The following ERBB4 variants were observed in gnomAD, a reference collection of about 807,000 sequenced individuals.
ERBB4 encodes erb-b2 receptor tyrosine kinase 4, also known as receptor tyrosine-protein kinase erbB-4.
A neutral mutation model predicts 158.0 loss-of-function variants in ERBB4; 42 were observed. The observed-to-expected ratio is 0.27, with a 90% confidence interval of 0.21 to 0.34. The LOEUF (loss-of-function observed/expected upper bound fraction) is 0.34. Ranked by LOEUF, ERBB4 falls within the 10% of genes least tolerant of loss-of-function variation. The pLI, the probability that ERBB4 is intolerant of heterozygous loss-of-function variation, is 1.00. For missense variants in ERBB4, 1,333 were observed against 1,624.1 expected (o/e 0.82, Z 3.08); for synonymous variants, 583 against 558.7 (o/e 1.04, Z -0.61).
chr2:211,462,296 C>T (rs7566089), intron 20 of ERBB4, among the ~76,000 whole-genome samples: 3,668 of 152,108 alleles, frequency 0.024, 156 homozygotes, highest in African/African-American at 0.084. Context: ...CCCCCATGAT[C>T]CAATCACTTC....
At chr2:211,650,371 C>T (rs1257082491) in intron 16 of ERBB4, among the ~76,000 whole-genome samples, 1 of 151,912 alleles carries the variant, frequency 6.6e-6, no homozygotes, top group Non-Finnish European at 1.5e-5. Flanking sequence ...GAGTAATTTT[C>T]AATTTTAAAA....
intron 2 of ERBB4, among the ~76,000 whole-genome samples, chr2:212,036,748 G>A (rs778887565): frequency 1.3e-5 from 2 of 152,128 alleles, no homozygotes; most frequent in Non-Finnish European, 2.9e-5. Flanking sequence ...ACAGGCGTGA[G>A]CCACCGCATG....
intron 3 of ERBB4, among the ~76,000 whole-genome samples, chr2:211,877,786 T>C (rs1198182775): frequency 9.9e-5 from 15 of 152,194 alleles, no homozygotes; most frequent in Admixed American, 9.8e-4. Context: ...ACATTGTATG[T>C]CTTCAAATTT....
chr2:211,914,110 C>T (rs1270276117), intron 3 of ERBB4, among the ~76,000 whole-genome samples: 1 of 140,716 alleles, frequency 7.1e-6, no homozygotes, highest in Non-Finnish European at 1.5e-5. Context: ...AATAAGTAAA[C>T]AAGTATTCAA....
chr2:212,394,078 G>A (rs2090956041), intron 1 of ERBB4, among the ~76,000 whole-genome samples: 1 of 152,084 alleles, frequency 6.6e-6, no homozygotes, highest in African/African-American at 2.4e-5. Flanking sequence ...TTAAACTAGT[G>A]AATGATTAAA....
intron 7 of ERBB4, among the ~76,000 whole-genome samples, chr2:211,719,868 G>GAAAAAA (rs56887696): frequency 2.6e-5 from 2 of 76,748 alleles, no homozygotes. Flanking sequence ...ACAAAGAAAA[G>GAAAAAA]AAAAAAAAAA....
chr2:211,561,837 A>G (rs1450270401), intron 20 of ERBB4, 66 bp downstream of exon 20: 1 of 1,355,778 alleles, frequency 7.4e-7, no homozygotes, highest in South Asian at 1.2e-5. Flanking sequence ...TCAATATGAA[A>G]ACTGTTCCAG....
At chr2:211,857,162 T>TGC (rs1184431833) in intron 3 of ERBB4, among the ~76,000 whole-genome samples, 1 of 151,014 alleles carries the variant, frequency 6.6e-6, no homozygotes, top group Non-Finnish European at 1.5e-5. Context: ...TGTGTGTTTG[T>TGC]GTGTGTGTGT....
At chr2:211,404,389 A>C (rs1337840908) in intron 25 of ERBB4, among the ~76,000 whole-genome samples, 1 of 152,000 alleles carries the variant, frequency 6.6e-6, no homozygotes, top group East Asian at 1.9e-4. Flanking sequence ...CCAGTCTCTA[A>C]GCTTCCTAAC....
chr2:211,747,427 T>C (rs528755094), intron 5 of ERBB4, among the ~76,000 whole-genome samples: 1 of 152,204 alleles, frequency 6.6e-6, no homozygotes, highest in East Asian at 1.9e-4. Flanking sequence ...TGATAAACAC[T>C]GCCCTGTGAA....
chr2:211,722,333 A>G (rs1417592625), intron 7 of ERBB4, 60 bp downstream of exon 7: 17 of 1,373,032 alleles, frequency 1.2e-5, no homozygotes, highest in Non-Finnish European at 1.7e-5. Context: ...ACTTACATAA[A>G]ATTCTTTTGA....
intron 1 of ERBB4, among the ~76,000 whole-genome samples, chr2:212,416,923 C>G (rs1037349810): frequency 6.6e-6 from 1 of 152,056 alleles, no homozygotes; most frequent in Non-Finnish European, 1.5e-5. Flanking sequence ...ATTTTCACTT[C>G]CTTTCATCCA....
chr2:212,188,133 C>A (rs2082069502), intron 1 of ERBB4, among the ~76,000 whole-genome samples: 1 of 148,360 alleles, frequency 6.7e-6, no homozygotes, highest in Admixed American at 6.9e-5. Flanking sequence ...ATCAGGTAGC[C>A]ATCCATGTCA....
chr2:212,097,335 A>C (rs1393870068), intron 2 of ERBB4, among the ~76,000 whole-genome samples: 2 of 152,170 alleles, frequency 1.3e-5, no homozygotes, highest in Non-Finnish European at 1.5e-5. Context: ...AAGACTACTA[A>C]GACTAAAATG....
chr2:211,381,396 C>CTGTT lies in ERBB4; in HGVS notation c.*2215_*2218dup, dbSNP rs895065821. On this transcript the variant is annotated 3_prime_UTR_variant, in exon 28 of 28. Transcript: ENST00000342788. Reference sequence around the variant, plus strand: ...TTTGAATAATATTATTGAAATTATCCTGTTTGTCAACATCAACAATTTGAA... The same window carrying CTGTT: ...TTTGAATAATATTATTGAAATTATCCTGTTTGTTTGTCAACATCAACAATTTGAA... 3.0e-5 allele frequency: 7 copies of CTGTT among 231,956 alleles called. No homozygotes were observed. Among genetic ancestry groups the CTGTT allele is most frequent in the African/African-American group, 1.5e-4 (7 of 45,268 alleles). 14.4% of individuals were successfully genotyped at this position (231,956 alleles called of 1,614,324 possible).
Position 212,014,323 on chromosome 2 carries a change from G to A in ERBB4, c.235-66707C>T, listed in dbSNP as rs116484579. On this transcript the variant is annotated intron_variant, in intron 2 of 27. Transcript: ENST00000342788. ...CTCAAGTTTTAAGGACAACTCCATT[G>A]CAAACTCTACTCTTGCCTGCTTAGA... Among the ~76,000 whole-genome samples, 985 of 152,306 alleles carry A rather than the reference G, an allele frequency of 6.5e-3. 6 individuals are homozygous for A. Among genetic ancestry groups the A allele is most frequent in the African/African-American group, 0.022 (916 of 41,548 alleles).
intron 1 of ERBB4, among the ~76,000 whole-genome samples, chr2:212,360,267 T>C (rs1447646520): frequency 2.0e-5 from 3 of 151,786 alleles, no homozygotes; most frequent in African/African-American, 4.8e-5. Context: ...CAGAGTTAAC[T>C]TCCACTCTCT....
chr2:212,462,412 A>T, intron 1 of ERBB4, among the ~76,000 whole-genome samples: 1 of 152,210 alleles, frequency 6.6e-6, no homozygotes, highest in East Asian at 1.9e-4. Flanking sequence ...AACAGCAAAA[A>T]AATAAATAAT....
chr2:212,297,370 AT>A (rs11317929), intron 1 of ERBB4, among the ~76,000 whole-genome samples: 112,174 of 151,806 alleles, frequency 0.74, 45,756 homozygotes, highest in Non-Finnish European at 0.9. Flanking sequence ...CCTAGCCAAA[AT>A]TGACATTTTT....
Sources: allele counts gnomAD v4.1 joint callset (sites outside exome capture counted in the v4.1 genomes callset), GRCh38; gene constraint gnomAD v4.1.1; transcripts MANE v1.5; gene names NCBI Gene and HGNC (gene_info 2026-07-23, HGNC 2026-07-21).